CAPN3: variants seen among roughly 807,000 people sequenced by gnomAD.
CAPN3 encodes the protein calpain-3.
A neutral mutation model predicts 114.0 loss-of-function variants in CAPN3; 88 were observed. That is an observed-to-expected ratio of 0.77 (90% confidence interval 0.65 to 0.92). The LOEUF (loss-of-function observed/expected upper bound fraction) is 0.92, where lower values mean the gene tolerates loss of function less well. CAPN3 is among the 40% of genes least tolerant of loss of function. CAPN3 has a pLI of 0.00. For missense variants in CAPN3, 1,028 were observed against 1,069.0 expected (o/e 0.96, Z 0.53); for synonymous variants, 386 against 382.9 (o/e 1.01, Z -0.09).
chr15:42,406,777 C>T (rs1462241546), intron 15 of CAPN3, among the ~76,000 whole-genome samples: 6 of 152,122 alleles, frequency 3.9e-5, no homozygotes, highest in African/African-American at 7.2e-5. Flanking sequence ...GCTCCATGGC[C>T]ACACCATATC....
chr15:42,360,226 AG>A (rs1197943261), intron 1 of CAPN3, 112 bp downstream of exon 1: 23 of 1,144,532 alleles, frequency 2.0e-5, no homozygotes, highest in South Asian at 4.9e-5. Context: ...GGATCCTGGC[AG>A]CAGCTCTGCT....
intron 1 of CAPN3, among the ~76,000 whole-genome samples, chr15:42,365,222 C>A (rs2052747456): frequency 6.6e-6 from 1 of 152,230 alleles, no homozygotes; most frequent in Admixed American, 6.5e-5. Flanking sequence ...TCAGGTTAAA[C>A]TTCCCTCCAT....
intron 3 of CAPN3, among the ~76,000 whole-genome samples, chr15:42,387,144 A>G (rs185621404): frequency 4.5e-4 from 68 of 152,324 alleles, no homozygotes; most frequent in African/African-American, 1.5e-3. Flanking sequence ...TCTCATTTCA[A>G]TGAGGGAGAA....
At chr15:42,382,290 C>T (rs34156902) in intron 1 of CAPN3, among the ~76,000 whole-genome samples, 5 of 151,906 alleles carry the variant, frequency 3.3e-5, no homozygotes, top group Admixed American at 6.6e-5. Context: ...TTCAATTTGC[C>T]CTTTCAATCA....
chr15:42,402,669 T>C (rs1203143902), intron 12 of CAPN3, 125 bp from the exon 13 acceptor site: 3 of 1,555,762 alleles, frequency 1.9e-6, no homozygotes, highest in Admixed American at 1.9e-5. Flanking sequence ...GAGTCGGAAG[T>C]AGGGAGGTTG....
In CAPN3 at chr15:42,411,235, T is replaced by A. The variant is rs368782466; in HGVS notation, c.2381-52T>A. ...GTCCTCTGAGGGGAAGTTACAGTAGTAGAGGCGGAGTGCGCCTGTAACTGG... is the reference window on the plus strand; with the variant it reads ...GTCCTCTGAGGGGAAGTTACAGTAGAAGAGGCGGAGTGCGCCTGTAACTGG... On this transcript the variant is annotated intron_variant, in intron 22 of 23. Transcript: ENST00000397163. The A allele has an allele frequency of 2.1e-4, 300 of 1,459,634 alleles. 1 individual carries two copies. The African/African-American group carries it at 3.6e-3, about 18-fold the overall frequency. 90.4% of individuals were successfully genotyped at this position (1,459,634 alleles called of 1,614,324 possible). A position where few individuals can be genotyped will look rare whatever the true frequency, so the allele number is the denominator to read the frequency against.
At chr15:42,410,273 G>C (rs2054169416) in intron 19 of CAPN3, 155 bp from the exon 20 acceptor site, 2 of 814,044 alleles carry the variant, frequency 2.5e-6, no homozygotes, top group African/African-American at 3.4e-5. Context: ...CTGGGTTACA[G>C]AGTAGGCGCA....
At chr15:42,389,655 T>C (rs1387693223) in intron 5 of CAPN3, among the ~76,000 whole-genome samples, 1 of 152,244 alleles carries the variant, frequency 6.6e-6, no homozygotes, top group Non-Finnish European at 1.5e-5. Flanking sequence ...CTCAGTATAT[T>C]GATATGATAA....
intron 1 of CAPN3, among the ~76,000 whole-genome samples, chr15:42,369,358 C>T (rs951542916): frequency 2.0e-5 from 3 of 152,018 alleles, no homozygotes; most frequent in Admixed American, 1.3e-4. Flanking sequence ...GGTGCTTGTC[C>T]AAGATGGTGA....
At chr15:42,370,163 G>A (rs115373982) in intron 1 of CAPN3, among the ~76,000 whole-genome samples, 7,937 of 152,098 alleles carry the variant, frequency 0.052, 623 homozygotes, top group African/African-American at 0.17. Context: ...GTGAGTCACT[G>A]CGCCTGGTCT....
chr15:42,394,345 G>A lies in CAPN3; in HGVS notation c.1115+4G>A. The A allele has an allele frequency of 6.4e-7, 1 of 1,556,848 alleles. No individual in the cohort carries two copies. The highest frequency in any genetic ancestry group is 8.7e-7 in the Non-Finnish European group (1 of 1,149,610). ...GGAACGGTTCTTGGAGTGATAGGTAGGTGAGGGGACCCCACGGGATTGGCG... is the reference window on the plus strand; with the variant it reads ...GGAACGGTTCTTGGAGTGATAGGTAAGTGAGGGGACCCCACGGGATTGGCG... On this transcript the variant is annotated splice_donor_region_variant and intron_variant, in intron 8 of 23. Transcript: ENST00000397163.
chr15:42,380,839 C>T (rs1227816798), intron 1 of CAPN3, among the ~76,000 whole-genome samples: 3 of 147,384 alleles, frequency 2.0e-5, no homozygotes, highest in African/African-American at 2.5e-5. Flanking sequence ...AGTCTGCCCA[C>T]CTTGGCCTCC....
At chr15:42,369,729 A>G (rs947862679) in intron 1 of CAPN3, among the ~76,000 whole-genome samples, 13 of 152,086 alleles carry the variant, frequency 8.5e-5, no homozygotes, top group African/African-American at 3.1e-4. Flanking sequence ...TTGCCCCACA[A>G]CTGGAATGAA....
chr15:42,385,806 G>A (rs373336450), intron 2 of CAPN3: 10 of 538,688 alleles, frequency 1.9e-5, no homozygotes, highest in African/African-American at 1.7e-4. Context: ...AAGGCACAGG[G>A]CAGGGCAGAT....
At chr15:42,365,250 T>C (rs2052748845) in intron 1 of CAPN3, among the ~76,000 whole-genome samples, 1 of 152,232 alleles carries the variant, frequency 6.6e-6, no homozygotes, top group South Asian at 2.1e-4. Flanking sequence ...GTCTCAGTGT[T>C]TCTTGGCTCT....
rs111725604 is a variant in CAPN3, at chr15:42,359,758, C to G, written c.-48C>G. ...AGTTGCTTCCTTTCCTTGAAGGTAG[C>G]TGTATCTTATTTTCTTTAAAAAGCT... On this transcript the variant is annotated 5_prime_UTR_variant, in exon 1 of 24. Transcript: ENST00000397163. 1 of 1,611,558 alleles carries G rather than the reference C, an allele frequency of 6.2e-7. No individual in the cohort carries two copies. The highest frequency in any genetic ancestry group is 1.7e-5 in the Admixed American group (1 of 59,768).
chr15:42,388,833 C>T (rs2053473678), intron 4 of CAPN3, 95 bp from the exon 5 acceptor site: 2 of 973,214 alleles, frequency 2.1e-6, no homozygotes, highest in African/African-American at 1.6e-5. Context: ...AAGAACATCA[C>T]AGCATCCAAG....
chr15:42,408,265 C>A lies in CAPN3; in HGVS notation c.1855C>A (p.Gln619Lys). ...CAGCAACAAGGAGCTGGGTGTGGAC[C>A]AGGAGTCAGAGGAGGGCAAAGGCAA... ...ANSNKELGVD[Q>K]ESEEGKGKTS... Residue 619 changes from glutamine to lysine, a missense_variant, in exon 16 of 24, where the codon CAG becomes AAG. Transcript: ENST00000397163. 3 of 1,613,920 alleles carry A rather than the reference C, an allele frequency of 1.9e-6. No homozygotes were observed. The highest frequency in any genetic ancestry group is 2.5e-6 in the Non-Finnish European group (3 of 1,179,888).
chr15:42,411,987 G>T lies in CAPN3; in HGVS notation c.*214G>T, dbSNP rs1453212288. The T allele has an allele frequency of 6.6e-7, 1 of 1,510,274 alleles. No individual in the cohort carries two copies. The highest frequency in any genetic ancestry group is 8.9e-7 in the Non-Finnish European group (1 of 1,129,862). 93.6% of individuals were successfully genotyped at this position (1,510,274 alleles called of 1,614,324 possible). A position where few individuals can be genotyped will look rare whatever the true frequency, so the allele number is the denominator to read the frequency against. ...CTTTAGTAAAGCAATGAGGTAGGAAGAACAAACCCTTGTCCCTTTGCCATG... is the reference window on the plus strand; with the variant it reads ...CTTTAGTAAAGCAATGAGGTAGGAATAACAAACCCTTGTCCCTTTGCCATG... On this transcript the variant is annotated 3_prime_UTR_variant, in exon 24 of 24. Coordinates refer to ENST00000397163, the MANE Select transcript of CAPN3 (RefSeq NM_000070.3).
Sources: allele counts gnomAD v4.1 joint callset (sites outside exome capture counted in the v4.1 genomes callset), GRCh38; gene constraint gnomAD v4.1.1; transcripts MANE v1.5; gene names NCBI Gene and HGNC (gene_info 2026-07-23, HGNC 2026-07-21).